Variants in GMEB2 observed in about 807,000 individuals in gnomAD.
GMEB2 encodes glucocorticoid modulatory element-binding protein 2.
A neutral mutation model predicts 45.7 loss-of-function variants in GMEB2; 7 were observed. The observed-to-expected ratio is 0.15, with a 90% confidence interval of 0.09 to 0.29. The LOEUF is 0.29. Among genes scored for constraint, GMEB2 ranks in the 10% least tolerant of loss-of-function variants. The pLI is 1.00. For missense variants in GMEB2, 582 were observed against 739.2 expected (o/e 0.79, Z 2.47); for synonymous variants, 322 against 323.6 (o/e 1.00, Z 0.05).
At chr20:63,609,372 C>T (rs1377449990) in intron 2 of GMEB2, among the ~76,000 whole-genome samples, 14 of 126,064 alleles carry the variant, frequency 1.1e-4, no homozygotes, top group African/African-American at 2.0e-4. Context: ...TAGAAACATG[C>T]CCCTCTGACC....
At chr20:63,600,598 G>T (rs917262035) in intron 4 of GMEB2, among the ~76,000 whole-genome samples, 2 of 150,838 alleles carry the variant, frequency 1.3e-5, no homozygotes, top group Non-Finnish European at 2.9e-5. Context: ...GGTGCCCGTA[G>T]TCCCAGCTAC....
Position 63,589,126 on chromosome 20 carries a change from C to G in GMEB2, c.*963G>C, listed in dbSNP as rs998167495. ...GCTGAAGGGCCCACATGGGAATCCTCGACCTCCATAGTGACTGGTTCTGTT... is the reference window on the plus strand; with the variant it reads ...GCTGAAGGGCCCACATGGGAATCCTGGACCTCCATAGTGACTGGTTCTGTT... On this transcript the variant is annotated 3_prime_UTR_variant, in exon 10 of 10. Coordinates refer to ENST00000370077, the MANE Select transcript of GMEB2 (RefSeq NM_012384.5). The G allele has an allele frequency of 2.5e-6, 1 of 398,952 alleles. No homozygotes were observed. Among genetic ancestry groups the G allele is most frequent in the African/African-American group, 2.1e-5 (1 of 48,630 alleles). 24.7% of individuals were successfully genotyped at this position (398,952 alleles called of 1,614,324 possible).
chr20:63,620,443 C>G (rs62207005), intron 1 of GMEB2, among the ~76,000 whole-genome samples: 12,286 of 152,114 alleles, frequency 0.081, 652 homozygotes, highest in Middle Eastern at 0.16. Context: ...CAGAGGGCAA[C>G]GAGCCTGGAG....
At chr20:63,599,000 T>A (rs543967131) in intron 4 of GMEB2, among the ~76,000 whole-genome samples, 2 of 152,208 alleles carry the variant, frequency 1.3e-5, no homozygotes, top group Non-Finnish European at 2.9e-5. Context: ...TTTGTTACTC[T>A]TCTCACCCCA....
At chr20:63,602,421 G>C (rs942030377) in intron 4 of GMEB2, among the ~76,000 whole-genome samples, 1 of 152,224 alleles carries the variant, frequency 6.6e-6, no homozygotes, top group African/African-American at 2.4e-5. Context: ...GCAAGGCTGG[G>C]AAAACCAAGC....
intron 9 of GMEB2, among the ~76,000 whole-genome samples, chr20:63,591,234 AAG>A (rs2083144555): frequency 2.0e-5 from 3 of 152,078 alleles, no homozygotes; most frequent in Non-Finnish European, 4.4e-5. Context: ...ACACAAAGTG[AAG>A]AGTGAACACA....
Position 63,588,748 on chromosome 20 carries a change from G to A in GMEB2, c.*1341C>T, listed in dbSNP as rs1210821673. On this transcript the variant is annotated 3_prime_UTR_variant, in exon 10 of 10. Transcript: ENST00000370077. ...TCAACTGCCGACAGAATCAGCAGGA[G>A]CGTCCAGGGGAATCTGGCACTCAGG... 1 of 398,592 alleles carries A rather than the reference G, an allele frequency of 2.5e-6. No individual in the cohort carries two copies. Among genetic ancestry groups the A allele is most frequent in the Non-Finnish European group, 4.4e-6 (1 of 226,090 alleles). The allele number at this position is 398,592 out of a possible 1,614,324, so 24.7% of individuals were successfully genotyped here.
intron 1 of GMEB2, among the ~76,000 whole-genome samples, chr20:63,624,104 T>C (rs1569060835): frequency 7.1e-6 from 1 of 141,574 alleles, no homozygotes; most frequent in Non-Finnish European, 1.5e-5. Context: ...AGCAAGACCC[T>C]GTCTCAGAAA....
chr20:63,621,664 T>C (rs1489296965), intron 1 of GMEB2, among the ~76,000 whole-genome samples: 18 of 40,748 alleles, frequency 4.4e-4, no homozygotes, highest in Admixed American at 7.6e-4. Context: ...CGAAACTCCA[T>C]CTCAAAAAAA....
At position 63,619,541 on chromosome 20, in the gene GMEB2, C is replaced by A; in HGVS notation, c.-57-87G>T. ...TCACAAAGGCATCTCTAATCAGCTC[C>A]AAAGACCCACCCTTGAGTCCCAGAC... On this transcript the variant is annotated intron_variant, in intron 1 of 9. Transcript: ENST00000370077. This position sits in a 1 kb window ranked among gnomAD's most constrained non-coding sequence, Gnocchi z 4.6. The A allele has an allele frequency of 1.4e-6, 1 of 717,062 alleles. No individual in the cohort carries two copies. Among genetic ancestry groups the A allele is most frequent in the East Asian group, 3.1e-5 (1 of 31,884 alleles). 44.4% of individuals were successfully genotyped at this position (717,062 alleles called of 1,614,324 possible). A position where few individuals can be genotyped will look rare whatever the true frequency, so the allele number is the denominator to read the frequency against.
chr20:63,599,788 C>T (rs747363670), intron 4 of GMEB2, among the ~76,000 whole-genome samples: 1 of 152,148 alleles, frequency 6.6e-6, no homozygotes, highest in Non-Finnish European at 1.5e-5. Context: ...CTCACACGTG[C>T]GTTCCGGACT....
At chr20:63,596,846 C>T (rs999736635) in intron 5 of GMEB2, among the ~76,000 whole-genome samples, 4 of 152,146 alleles carry the variant, frequency 2.6e-5, no homozygotes, top group African/African-American at 9.7e-5. Context: ...GGCAAAATCC[C>T]GTCTCTACTA....
chr20:63,590,634 C>T lies in GMEB2; in HGVS notation c.1048G>A (p.Val350Ile), dbSNP rs1251042720. 1 of 1,588,260 alleles carries T rather than the reference C, an allele frequency of 6.3e-7. No individual in the cohort carries two copies. Among genetic ancestry groups the T allele is most frequent in the Non-Finnish European group, 8.6e-7 (1 of 1,165,724 alleles). The change falls in exon 10 of 10, where the codon GTC becomes ATC. Residue 350 changes from valine (V) to isoleucine (I), a missense_variant. Physicochemically the swap from Val to Ile is conservative, Grantham distance 29. Coordinates refer to ENST00000370077, the MANE Select transcript of GMEB2 (RefSeq NM_012384.5). ...LSNVLMTLTPVSLPPPVKRPR... is the reference protein window; with the variant it reads ...LSNVLMTLTPISLPPPVKRPR... ...CGCTTCACAGGCGGTGGCAGGGAGA[C>T]CGGCGTCAGCGTCATGAGCACGTTG...
intron 2 of GMEB2, among the ~76,000 whole-genome samples, chr20:63,607,301 C>T (rs1375005449): frequency 9.2e-5 from 11 of 119,828 alleles, no homozygotes; most frequent in East Asian, 4.7e-4. Flanking sequence ...GCCCCTCTGA[C>T]CCACACCTCC....
At chr20:63,595,960 C>A (rs888967089) in intron 5 of GMEB2, among the ~76,000 whole-genome samples, 193 bp from the exon 6 acceptor site, 1 of 152,240 alleles carries the variant, frequency 6.6e-6, no homozygotes, top group Non-Finnish European at 1.5e-5. Flanking sequence ...GCTGAAGAAG[C>A]AGCCGGCCCA....
chr20:63,622,577 G>C (rs1425792141), intron 1 of GMEB2, among the ~76,000 whole-genome samples: 3 of 152,178 alleles, frequency 2.0e-5, no homozygotes, highest in Non-Finnish European at 4.4e-5. Flanking sequence ...GCTGTCTTTT[G>C]TCTGGGTATG....
chr20:63,596,995 C>A (rs1333469769), intron 5 of GMEB2, among the ~76,000 whole-genome samples: 1 of 147,808 alleles, frequency 6.8e-6, no homozygotes, highest in East Asian at 1.9e-4. Context: ...CCAGCCTGGG[C>A]AACAGAGCAA....
At chr20:63,623,803 A>G (rs2089653688) in intron 1 of GMEB2, among the ~76,000 whole-genome samples, 1 of 151,832 alleles carries the variant, frequency 6.6e-6, no homozygotes, top group South Asian at 2.1e-4. Context: ...CTCTTAAAAA[A>G]AAAAAGCCAC....
intron 5 of GMEB2, among the ~76,000 whole-genome samples, chr20:63,596,410 C>A (rs780347706): frequency 7.2e-5 from 11 of 152,236 alleles, no homozygotes; most frequent in African/African-American, 2.2e-4. Flanking sequence ...ACCCATGAAA[C>A]GAGGGTCAGA....
Sources: gnomAD v4.1 joint callset for allele counts (sites outside exome capture counted in the v4.1 genomes callset) on GRCh38, gnomAD v4.1.1 for gene constraint, Gnocchi (gnomAD v3.1) non-coding constraint, MANE v1.5 for transcripts, NCBI Gene and HGNC (gene_info 2026-07-23, HGNC 2026-07-21) for gene names.